Variants in ASIC2 observed in about 807,000 individuals in gnomAD.
ASIC2 encodes acid-sensing ion channel 2.
In ASIC2, 25 loss-of-function variants were observed where a neutral mutation model predicts 57.3. That is an observed-to-expected ratio of 0.44 (90% confidence interval 0.32 to 0.61). The LOEUF (loss-of-function observed/expected upper bound fraction) is 0.61, where lower values mean the gene tolerates loss of function less well. Among genes scored for constraint, ASIC2 ranks in the 20% least tolerant of loss-of-function variants. The pLI, the probability that ASIC2 is intolerant of heterozygous loss-of-function variation, is 0.06. For missense variants in ASIC2, 641 were observed against 738.1 expected (o/e 0.87, Z 1.52); for synonymous variants, 319 against 307.5 (o/e 1.04, Z -0.39).
chr17:33,580,921 A>G (rs1320008942), intron 1 of ASIC2, among the ~76,000 whole-genome samples: 1 of 152,174 alleles, frequency 6.6e-6, no homozygotes, highest in Non-Finnish European at 1.5e-5. Context: ...TGTAGATACC[A>G]CCTTTTTGGT....
At chr17:33,398,154 T>C (rs1597713999) in intron 1 of ASIC2, among the ~76,000 whole-genome samples, 1 of 152,232 alleles carries the variant, frequency 6.6e-6, no homozygotes, top group Non-Finnish European at 1.5e-5. Flanking sequence ...AGTTTACTTA[T>C]ATACTGTGTG....
chr17:33,112,420 C>G (rs1038468777), intron 1 of ASIC2, among the ~76,000 whole-genome samples: 6 of 152,184 alleles, frequency 3.9e-5, no homozygotes, highest in African/African-American at 1.4e-4. Flanking sequence ...GGGCTCTCTT[C>G]TGGCCTCCAG....
intron 1 of ASIC2, among the ~76,000 whole-genome samples, chr17:33,669,119 TG>T (rs1251576642): frequency 2.0e-5 from 3 of 152,196 alleles, no homozygotes; most frequent in African/African-American, 7.2e-5. Context: ...TGCACTTGGT[TG>T]TTGGAAGCCT....
intron 1 of ASIC2, among the ~76,000 whole-genome samples, chr17:33,912,770 G>A (rs890333732): frequency 2.0e-5 from 3 of 151,462 alleles, no homozygotes; most frequent in African/African-American, 7.3e-5. Flanking sequence ...ACCTGAGGTT[G>A]GGAGTTCGAG....
chr17:33,575,677 A>G (rs1916596078), intron 1 of ASIC2, among the ~76,000 whole-genome samples: 1 of 152,218 alleles, frequency 6.6e-6, no homozygotes, highest in South Asian at 2.1e-4. Flanking sequence ...AAATCACAGG[A>G]TATGAATGGG....
chr17:33,465,024 AT>A (rs1484017438), intron 1 of ASIC2, among the ~76,000 whole-genome samples: 1 of 152,184 alleles, frequency 6.6e-6, no homozygotes, highest in Non-Finnish European at 1.5e-5. Context: ...TGTCTGGGGC[AT>A]AAGACACCAG....
At chr17:33,960,614 A>G (rs984640448) in intron 1 of ASIC2, among the ~76,000 whole-genome samples, 3 of 152,148 alleles carry the variant, frequency 2.0e-5, no homozygotes, top group African/African-American at 7.2e-5. Flanking sequence ...CTCTGGCCTC[A>G]TCCTGAAGCA....
At chr17:33,720,182 G>A (rs1909344498) in intron 1 of ASIC2, among the ~76,000 whole-genome samples, 1 of 152,094 alleles carries the variant, frequency 6.6e-6, no homozygotes, top group Non-Finnish European at 1.5e-5. Context: ...GCCTGCCAAG[G>A]GAGACTTTTA....
At chr17:33,764,086 G>C (rs893423667) in intron 1 of ASIC2, among the ~76,000 whole-genome samples, 2 of 152,164 alleles carry the variant, frequency 1.3e-5, no homozygotes, top group African/African-American at 4.8e-5. Flanking sequence ...GAGGTCAGGA[G>C]ATCGAGACCA....
chr17:34,026,528 A>G (rs1404728940), intron 1 of ASIC2, among the ~76,000 whole-genome samples: 1 of 152,194 alleles, frequency 6.6e-6, no homozygotes. Context: ...AAGGTTTCCA[A>G]AAACAATCAT....
intron 1 of ASIC2, among the ~76,000 whole-genome samples, chr17:33,640,058 C>G (rs1208669792): frequency 6.6e-6 from 1 of 152,136 alleles, no homozygotes; most frequent in African/African-American, 2.4e-5. Context: ...GATTTCTGAT[C>G]GCTGTGTCGG....
chr17:33,720,783 A>G (rs1304661362), intron 1 of ASIC2, among the ~76,000 whole-genome samples: 1 of 152,192 alleles, frequency 6.6e-6, no homozygotes, highest in Non-Finnish European at 1.5e-5. Flanking sequence ...ATAATCTAAG[A>G]GGAAAGGTAA....
At chr17:33,194,491 C>T (rs775952658) in intron 1 of ASIC2, among the ~76,000 whole-genome samples, 37 of 152,202 alleles carry the variant, frequency 2.4e-4, no homozygotes, top group Non-Finnish European at 5.1e-4. Context: ...AGGAAAAATA[C>T]AGCACCTGTG....
rs1454622803 is a variant in ASIC2, at chr17:33,292,194, A to AAGC, written c.-82_-80dup. The stretch of plus-strand genomic sequence containing the variant: ...CCATGGGAGTCCGCAGCAGCAGTGG[A>AAGC]AGCAGCAGCAGCGGCAGCCGCGCGC... On this transcript the variant is annotated 5_prime_UTR_variant, in exon 1 of 10. Transcript: ENST00000225823. The AAGC allele has an allele frequency of 3.0e-6, 3 of 1,008,060 alleles. No individual in the cohort carries two copies. The highest frequency in any genetic ancestry group is 3.5e-6 in the Non-Finnish European group (3 of 847,158). 62.4% of individuals were successfully genotyped at this position (1,008,060 alleles called of 1,614,324 possible).
At position 33,292,519 on chromosome 17, in the gene ASIC2, C is replaced by A. The variant is rs1195590495; in HGVS notation, c.-404G>T. 12 of 984,066 alleles carry A rather than the reference C, an allele frequency of 1.2e-5. No homozygotes were observed. The highest frequency in any genetic ancestry group is 5.2e-4 in the Middle Eastern group (1 of 1,934). The allele number at this position is 984,066 out of a possible 1,614,324, so 61.0% of individuals were successfully genotyped here. A position where few individuals can be genotyped will look rare whatever the true frequency, so the allele number is the denominator to read the frequency against. The stretch of plus-strand genomic sequence containing the variant: ...GACCTCGGGGGACCCTGAGCCGAGT[C>A]CCCCCTGCCCCGCCTAACCCCAGCT... On this transcript the variant is annotated 5_prime_UTR_variant, in exon 1 of 10. Transcript: ENST00000225823.
At chr17:34,143,078 G>A (rs1371906190) in intron 1 of ASIC2, 2 of 152,196 alleles carry the variant, frequency 1.3e-5, no homozygotes, top group Non-Finnish European at 2.9e-5. Flanking sequence ...GAGCTGGAAG[G>A]TTAGGAGTAT....
chr17:33,202,287 C>T (rs1906898509), intron 1 of ASIC2, among the ~76,000 whole-genome samples: 1 of 152,196 alleles, frequency 6.6e-6, no homozygotes, highest in Admixed American at 6.5e-5. Flanking sequence ...CCCACAGGGA[C>T]AGCTGCGGGT....
At chr17:33,919,273 C>T (rs914812251) in intron 1 of ASIC2, among the ~76,000 whole-genome samples, 1 of 152,132 alleles carries the variant, frequency 6.6e-6, no homozygotes, top group Non-Finnish European at 1.5e-5. Context: ...CTGTCTGAGT[C>T]CAGTCGCTGA....
intron 1 of ASIC2, among the ~76,000 whole-genome samples, chr17:33,229,140 T>C (rs953034679): frequency 2.6e-5 from 4 of 152,056 alleles, no homozygotes; most frequent in African/African-American, 9.7e-5. Context: ...ACAAATCACC[T>C]AGCTTCTCTG....
Sources: allele counts gnomAD v4.1 joint callset (sites outside exome capture counted in the v4.1 genomes callset), GRCh38; gene constraint gnomAD v4.1.1; transcripts MANE v1.5; gene names NCBI Gene and HGNC (gene_info 2026-07-23, HGNC 2026-07-21).